Variants in CDH13 observed in about 807,000 individuals in gnomAD.
CDH13 encodes cadherin-13.
CDH13 carries 24 observed loss-of-function variants against 63.8 expected under a neutral mutation model. The observed-to-expected ratio is 0.38, with a 90% CI of 0.27 to 0.53. The LOEUF (loss-of-function observed/expected upper bound fraction) is 0.53, where lower values mean the gene tolerates loss of function less well. Among genes scored for constraint, CDH13 ranks in the 20% least tolerant of loss-of-function variants. CDH13 has a pLI of 0.85. For synonymous variants in CDH13, 503 were observed against 355.3 expected, an observed-to-expected ratio of 1.42 and a Z score of -4.67; for missense variants, 1,049 against 903.1, an observed-to-expected ratio of 1.16 and a Z score of -2.07.
chr16:82,775,166 C>A (rs1224614015), intron 1 of CDH13, among the ~76,000 whole-genome samples: 2 of 152,108 alleles, frequency 1.3e-5, no homozygotes, highest in South Asian at 4.1e-4. Context: ...GACAGCTGTA[C>A]CTACTGCATA....
intron 3 of CDH13, among the ~76,000 whole-genome samples, chr16:83,086,987 C>A (rs1364919937): frequency 1.3e-5 from 2 of 152,168 alleles, no homozygotes; most frequent in Admixed American, 1.3e-4. Flanking sequence ...AAAAGACTTC[C>A]TGTCAAAAAT....
intron 1 of CDH13, chr16:82,719,256 C>T (rs1260163588): frequency 5.1e-6 from 2 of 395,554 alleles, no homozygotes; most frequent in African/African-American, 4.1e-5. Flanking sequence ...TGCCATTGGC[C>T]TGTAATATAA....
chr16:83,791,098 G>T (rs1407754769), intron 13 of CDH13, among the ~76,000 whole-genome samples: 1 of 151,558 alleles, frequency 6.6e-6, no homozygotes, highest in African/African-American at 2.4e-5. Flanking sequence ...TGGGTGGATT[G>T]GATAAGGCTG....
At chr16:83,453,512 A>T (rs1567682814) in intron 6 of CDH13, among the ~76,000 whole-genome samples, 2 of 152,226 alleles carry the variant, frequency 1.3e-5, no homozygotes, top group Admixed American at 6.5e-5. Context: ...TGTTATAAGC[A>T]CTTAATAAAA....
In CDH13 at chr16:83,000,586, T is replaced by G. The variant is rs143984327; in HGVS notation, c.158-31424T>G. Among the ~76,000 whole-genome samples, 670 of 149,672 alleles carry G rather than the reference T, an allele frequency of 4.5e-3. 10 individuals are homozygous for G. The East Asian group carries it at 0.051, about 11-fold the overall frequency. On this transcript the variant is annotated intron_variant, in intron 2 of 13. Transcript: ENST00000567109. Reference sequence around the variant, plus strand: ...TTTTTTCTTTTCTCTTTTTTTTTTTTTTTTGTTTTGTTTTGTTTTTTGAGA... The same window carrying G: ...TTTTTTCTTTTCTCTTTTTTTTTTTGTTTTGTTTTGTTTTGTTTTTTGAGA...
chr16:83,107,443 C>T (rs1043925014), intron 3 of CDH13, among the ~76,000 whole-genome samples: 1 of 152,148 alleles, frequency 6.6e-6, no homozygotes, highest in Non-Finnish European at 1.5e-5. Context: ...AAAAAATCCA[C>T]CTTGGAGATT....
intron 10 of CDH13, among the ~76,000 whole-genome samples, chr16:83,731,399 A>T (rs180885921): frequency 4.7e-4 from 71 of 152,178 alleles, no homozygotes; most frequent in Admixed American, 4.5e-3. Flanking sequence ...TTTGATTTGC[A>T]TTTCTCTGAG....
chr16:82,636,909 C>A (rs528358996), intron 1 of CDH13, among the ~76,000 whole-genome samples: 3 of 152,304 alleles, frequency 2.0e-5, no homozygotes, highest in African/African-American at 7.2e-5. Context: ...CTAACTGGCT[C>A]CAGCACACCA....
chr16:82,906,396 A>G (rs1436514599), intron 2 of CDH13, among the ~76,000 whole-genome samples: 1 of 152,150 alleles, frequency 6.6e-6, no homozygotes, highest in African/African-American at 2.4e-5. Context: ...AGCTCCGGCA[A>G]TTTGTGCAGG....
chr16:82,694,070 A>C (rs1447238594), intron 1 of CDH13, among the ~76,000 whole-genome samples: 3 of 152,236 alleles, frequency 2.0e-5, no homozygotes, highest in African/African-American at 4.8e-5. Flanking sequence ...CTTAAACACT[A>C]TGATCATAAA....
intron 3 of CDH13, among the ~76,000 whole-genome samples, chr16:83,038,720 C>G (rs1369329497): frequency 6.6e-6 from 1 of 152,214 alleles, no homozygotes; most frequent in African/African-American, 2.4e-5. Flanking sequence ...CAGAAAAGCT[C>G]CATGCTTCGT....
At chr16:83,196,060 A>G (rs1026131151) in intron 4 of CDH13, among the ~76,000 whole-genome samples, 1 of 152,160 alleles carries the variant, frequency 6.6e-6, no homozygotes, top group Non-Finnish European at 1.5e-5. Context: ...GTTCGCAATC[A>G]GCCTGGCCAA....
chr16:83,430,949 C>A (rs1351583986), intron 6 of CDH13, among the ~76,000 whole-genome samples: 2 of 150,468 alleles, frequency 1.3e-5, no homozygotes, highest in African/African-American at 4.9e-5. Context: ...GTATATCTCC[C>A]AATGCCATCC....
chr16:83,038,319 A>G (rs1048328538), intron 3 of CDH13, among the ~76,000 whole-genome samples: 3 of 152,172 alleles, frequency 2.0e-5, no homozygotes, highest in African/African-American at 7.2e-5. Flanking sequence ...CTGATTGTTA[A>G]TGACTTAATT....
chr16:82,900,745 G>A (rs1224817008), intron 2 of CDH13, among the ~76,000 whole-genome samples: 1 of 152,228 alleles, frequency 6.6e-6, no homozygotes, highest in Non-Finnish European at 1.5e-5. Context: ...GCTAAGGCAG[G>A]TGATATTTCT....
chr16:83,026,548 TAAACAG>T (rs961905904), intron 2 of CDH13, among the ~76,000 whole-genome samples: 3 of 152,178 alleles, frequency 2.0e-5, no homozygotes, highest in African/African-American at 7.2e-5. Flanking sequence ...TTGTAGTACC[TAAACAG>T]ATATAAGTAT....
At chr16:82,640,303 C>G (rs946674699) in intron 1 of CDH13, among the ~76,000 whole-genome samples, 3 of 152,138 alleles carry the variant, frequency 2.0e-5, no homozygotes, top group Admixed American at 6.5e-5. Flanking sequence ...ACATACATGG[C>G]ATTTTTGTCT....
intron 6 of CDH13, among the ~76,000 whole-genome samples, chr16:83,374,758 C>CG (rs1182348655): frequency 6.6e-6 from 1 of 152,196 alleles, no homozygotes; most frequent in Non-Finnish European, 1.5e-5. Context: ...GAAAGAATGA[C>CG]AGGTACCTCA....
rs118062050 is a variant in CDH13, at chr16:83,654,726, T to G, written c.1102-16064T>G. The G allele has an allele frequency of 4.3e-4, 65 of 152,276 alleles. 1 individual carries two copies. In the East Asian group the frequency reaches 9.1e-3, roughly 21 times the overall value. The allele number at this position is 152,276 out of a possible 1,614,324, so 9.4% of individuals were successfully genotyped here. On this transcript the variant is annotated intron_variant, in intron 8 of 13. Transcript: ENST00000567109. Reference sequence around the variant, plus strand: ...CCAGGCAAATATACTCAAAATAGTTTCCTATTGCTCCACTCACCCCATCAT... The same window carrying G: ...CCAGGCAAATATACTCAAAATAGTTGCCTATTGCTCCACTCACCCCATCAT...
Sources: allele counts gnomAD v4.1 joint callset (sites outside exome capture counted in the v4.1 genomes callset), GRCh38; gene constraint gnomAD v4.1.1; transcripts MANE v1.5; gene names NCBI Gene and HGNC (gene_info 2026-07-23, HGNC 2026-07-21).